MNS1: variants seen among roughly 807,000 people sequenced by gnomAD.
MNS1 encodes the protein meiosis specific nuclear structural 1, also known as meiosis-specific nuclear structural protein 1.
A neutral mutation model predicts 72.0 loss-of-function variants in MNS1; 63 were observed. The ratio of observed to expected loss-of-function variants is 0.87; its 90% confidence interval spans 0.71 to 1.08. The LOEUF is 1.08. Among genes scored for constraint, MNS1 ranks in the 50% least tolerant of loss-of-function variants. MNS1 has a pLI of 0.00. For missense variants in MNS1, 604 were observed against 562.4 expected (o/e 1.07, Z -0.75); for synonymous variants, 188 against 172.1 (o/e 1.09, Z -0.72).
In MNS1 at chr15:56,428,815, G is replaced by T; in HGVS notation, c.*286C>A. 1 of 363,890 alleles carries T rather than the reference G, an allele frequency of 2.7e-6. No homozygotes were observed. The highest frequency in any genetic ancestry group is 4.9e-6 in the Non-Finnish European group (1 of 203,768). The allele number at this position is 363,890 out of a possible 1,614,324, so 22.5% of individuals were successfully genotyped here. On this transcript the variant is annotated 3_prime_UTR_variant, in exon 10 of 10. Coordinates refer to ENST00000260453, the MANE Select transcript of MNS1 (RefSeq NM_018365.4). ...ACAGAAGGCAGTTCACTTTGGGGTAGAGTTCTGTATTAGTCAAGGTAAATA... is the reference window on the plus strand; with the variant it reads ...ACAGAAGGCAGTTCACTTTGGGGTATAGTTCTGTATTAGTCAAGGTAAATA...
intron 2 of MNS1, among the ~76,000 whole-genome samples, chr15:56,460,404 C>T (rs1328362022): frequency 6.6e-6 from 1 of 152,050 alleles, no homozygotes; most frequent in African/African-American, 2.4e-5. Flanking sequence ...CCTCTCAAGG[C>T]TAAAAACTAA....
intron 7 of MNS1, among the ~76,000 whole-genome samples, chr15:56,435,198 T>C (rs1294278254): frequency 6.6e-6 from 1 of 151,966 alleles, no homozygotes; most frequent in Non-Finnish European, 1.5e-5. Flanking sequence ...AATGTATATA[T>C]ATAGCACTAA....
Position 56,434,177 on chromosome 15 carries a change from T to G in MNS1, c.1230A>C (p.Lys410Asn). ...ATTGTTGGCGACGCTCTTCAATAAG[T>G]TTTTCCACAGCCCTCCTGTGTTCCA... ...KQLEHRRAVE[K>N]LIEERRQQFL... The change falls in exon 8 of 10, where the codon AAA becomes AAC. Residue 410 changes from lysine to asparagine, a missense_variant. Lys to Asn is a moderately conservative substitution (Grantham distance 94, BLOSUM62 0). Transcript: ENST00000260453. 6.2e-7 allele frequency: 1 copy of G among 1,613,686 alleles called. No individual in the cohort carries two copies. Among genetic ancestry groups the G allele is most frequent in the African/African-American group, 1.3e-5 (1 of 75,004 alleles).
At chr15:56,430,749 G>A (rs1367682382) in intron 9 of MNS1, among the ~76,000 whole-genome samples, 2 of 152,142 alleles carry the variant, frequency 1.3e-5, no homozygotes, top group African/African-American at 4.8e-5. Flanking sequence ...GTTCAACCAT[G>A]TGCCTATTAC....
At chr15:56,429,656 C>T (rs2050511901) in intron 9 of MNS1, 1 of 152,474 alleles carries the variant, frequency 6.6e-6, no homozygotes, top group African/African-American at 2.4e-5. Context: ...GGAGTTAAGC[C>T]ATTTAAGCAA....
Position 56,443,863 on chromosome 15 carries a change from C to A in MNS1, c.687-9G>T. The A allele has an allele frequency of 1.3e-6, 2 of 1,577,296 alleles. No homozygotes were observed. Among genetic ancestry groups the A allele is most frequent in the South Asian group, 1.2e-5 (1 of 84,812 alleles). On this transcript the variant is annotated splice_polypyrimidine_tract_variant and intron_variant, in intron 5 of 9. Coordinates refer to ENST00000260453, the MANE Select transcript of MNS1 (RefSeq NM_018365.4). ...ACTTTTGTTGTTTTTCCCTGAAAAG[C>A]AATAACAAGTACAGATTTATAGTAA...
At chr15:56,431,691 C>T (rs1398710169) in intron 8 of MNS1, among the ~76,000 whole-genome samples, 193 bp from the exon 9 acceptor site, 1 of 151,666 alleles carries the variant, frequency 6.6e-6, no homozygotes, top group East Asian at 1.9e-4. Context: ...GTATTTTTTA[C>T]TGTCATTATT....
chr15:56,439,777 AACAC>A (rs755190091), intron 7 of MNS1, among the ~76,000 whole-genome samples: 3 of 150,704 alleles, frequency 2.0e-5, no homozygotes, highest in Non-Finnish European at 3.0e-5. Flanking sequence ...AAAAAAACAA[AACAC>A]ACACACACAC....
At chr15:56,446,298 T>C (rs1488873229) in intron 4 of MNS1, among the ~76,000 whole-genome samples, 2 of 151,992 alleles carry the variant, frequency 1.3e-5, no homozygotes, top group African/African-American at 2.4e-5. Flanking sequence ...AACCCTATTA[T>C]ATATTCATAC....
chr15:56,432,812 C>T (rs1181646679), intron 8 of MNS1, among the ~76,000 whole-genome samples: 2 of 152,118 alleles, frequency 1.3e-5, no homozygotes, highest in Non-Finnish European at 2.9e-5. Context: ...ATGAGTTTCT[C>T]ATATTTGAAA....
chr15:56,443,885 G>A, intron 5 of MNS1, 31 bp from the exon 6 acceptor site: 1 of 1,444,720 alleles, frequency 6.9e-7, no homozygotes, highest in Non-Finnish European at 9.4e-7. Context: ...CAGATTTATA[G>A]TAAACAATAA....
chr15:56,449,735 A>G (rs555720677), intron 3 of MNS1, among the ~76,000 whole-genome samples: 58 of 152,336 alleles, frequency 3.8e-4, no homozygotes, highest in Non-Finnish European at 7.4e-4. Flanking sequence ...AATATCTTTA[A>G]AAGTTATAGG....
intron 2 of MNS1, among the ~76,000 whole-genome samples, chr15:56,461,991 T>TG (rs1567155362): frequency 7.6e-6 from 1 of 132,310 alleles, no homozygotes; most frequent in African/African-American, 3.1e-5. Flanking sequence ...TTTTTTTTTT[T>TG]TTTTTTTTTT....
At chr15:56,433,320 A>G (rs1008791391) in intron 8 of MNS1, among the ~76,000 whole-genome samples, 12 of 152,084 alleles carry the variant, frequency 7.9e-5, no homozygotes, top group Non-Finnish European at 1.8e-4. Context: ...TGCAGGGCTT[A>G]AAACCTAGAT....
chr15:56,434,160 C>T lies in MNS1; in HGVS notation c.1247G>A (p.Arg416His), dbSNP rs1428933655. Reference sequence around the variant, plus strand: ...TACTTTGTCTGCAAGGAATTGTTGGCGACGCTCTTCAATAAGTTTTTCCAC... The same window carrying T: ...TACTTTGTCTGCAAGGAATTGTTGGTGACGCTCTTCAATAAGTTTTTCCAC... ...RAVEKLIEER[R>H]QQFLADKQRE... is the part of the protein sequence containing the mutation. The change falls in exon 8 of 10, where the codon CGC (arginine) becomes CAC (histidine). Residue 416 changes from arginine to histidine, a missense_variant. By Grantham distance (29) the Arg-to-His change is conservative. Coordinates refer to ENST00000260453, the MANE Select transcript of MNS1 (RefSeq NM_018365.4). 5.6e-6 allele frequency: 9 copies of T among 1,612,980 alleles called. No individual in the cohort carries two copies. Among genetic ancestry groups the T allele is most frequent in the South Asian group, 4.4e-5 (4 of 90,746 alleles).
intron 3 of MNS1, among the ~76,000 whole-genome samples, chr15:56,448,953 C>G (rs1399443575): frequency 6.6e-6 from 1 of 151,916 alleles, no homozygotes; most frequent in Non-Finnish European, 1.5e-5. Context: ...TGGAGTTACA[C>G]CATGTTGGCT....
At chr15:56,435,092 C>A (rs1461633222) in intron 7 of MNS1, among the ~76,000 whole-genome samples, 1 of 151,932 alleles carries the variant, frequency 6.6e-6, no homozygotes, top group Non-Finnish European at 1.5e-5. Flanking sequence ...AAAATAAATA[C>A]ATTGTAGTTA....
chr15:56,444,020 A>ATTT (rs2050865284), intron 5 of MNS1, among the ~76,000 whole-genome samples, 166 bp from the exon 6 acceptor site: 2 of 152,004 alleles, frequency 1.3e-5, no homozygotes, highest in Admixed American at 6.6e-5. Flanking sequence ...TCAGGTATGA[A>ATTT]TTTTTCTTTG....
At chr15:56,446,146 G>T (rs1203951204) in intron 4 of MNS1, 1 of 152,008 alleles carries the variant, frequency 6.6e-6, no homozygotes, top group Non-Finnish European at 1.5e-5. Flanking sequence ...ATAAGAGTGT[G>T]TGTGTGTGTA....
Sources: allele counts gnomAD v4.1 joint callset (sites outside exome capture counted in the v4.1 genomes callset), GRCh38; gene constraint gnomAD v4.1.1; transcripts MANE v1.5; gene names NCBI Gene and HGNC (gene_info 2026-07-23, HGNC 2026-07-21).